The following SRPK2 variants were observed in gnomAD, a reference collection of about 807,000 sequenced individuals.
SRPK2 encodes SRSF protein kinase 2, also known as SFRS protein kinase 2.
SRPK2 carries 21 observed loss-of-function variants against 90.8 expected under a neutral mutation model. The observed-to-expected ratio is 0.23, with a 90% CI of 0.16 to 0.33. The LOEUF (loss-of-function observed/expected upper bound fraction) is 0.33, where lower values mean the gene tolerates loss of function less well. SRPK2 is among the 10% of genes least tolerant of loss of function. The probability of loss-of-function intolerance (pLI) is 1.00; values close to 1 mark genes in which losing one functional copy is unlikely to be tolerated. For synonymous variants in SRPK2, 288 were observed against 311.1 expected (o/e 0.93, Z 0.78); for missense variants, 620 against 869.0 (o/e 0.71, Z 3.60).
intron 7 of SRPK2, among the ~76,000 whole-genome samples, chr7:105,159,827 G>A (rs1375211889): frequency 1.3e-5 from 2 of 152,078 alleles, no homozygotes; most frequent in Non-Finnish European, 2.9e-5. Context: ...TTTTTCCCCA[G>A]CTTTACTGAG....
At chr7:105,368,002 A>G (rs958742160) in intron 2 of SRPK2, among the ~76,000 whole-genome samples, 1 of 152,200 alleles carries the variant, frequency 6.6e-6, no homozygotes, top group African/African-American at 2.4e-5. Context: ...TTAAAACTTA[A>G]GGAGAGTACA....
At chr7:105,263,692 A>T (rs953254215) in intron 2 of SRPK2, among the ~76,000 whole-genome samples, 1 of 152,202 alleles carries the variant, frequency 6.6e-6, no homozygotes, top group Non-Finnish European at 1.5e-5. Flanking sequence ...AATCTAGCAG[A>T]AAATATTAGT....
chr7:105,174,062 C>T (rs1252968135), intron 3 of SRPK2, among the ~76,000 whole-genome samples: 2 of 144,104 alleles, frequency 1.4e-5, no homozygotes, highest in East Asian at 2.0e-4. Flanking sequence ...CTGGGCAGTA[C>T]AGTGAGACCC....
At chr7:105,298,746 T>G in intron 2 of SRPK2, 7 of 985,518 alleles carry the variant, frequency 7.1e-6, no homozygotes, top group Non-Finnish European at 8.4e-6. Context: ...ACGTTAGCAG[T>G]AGGAGACAGC....
intron 2 of SRPK2, among the ~76,000 whole-genome samples, chr7:105,338,671 G>T (rs1024433720): frequency 4.6e-5 from 7 of 152,128 alleles, no homozygotes; most frequent in African/African-American, 1.7e-4. Flanking sequence ...TTTATCAGGG[G>T]TTAAATTTTC....
intron 5 of SRPK2, 27 bp downstream of exon 5, chr7:105,167,981 T>A (rs1790305391): frequency 3.3e-6 from 5 of 1,522,698 alleles, no homozygotes; most frequent in Non-Finnish European, 4.5e-6. Flanking sequence ...AGTTTTCTTA[T>A]ATCATTCACA....
At chr7:105,170,178 CTTT>C (rs942312692) in intron 3 of SRPK2, among the ~76,000 whole-genome samples, 2 of 152,102 alleles carry the variant, frequency 1.3e-5, no homozygotes, top group South Asian at 4.2e-4. Flanking sequence ...TATTTAAAGA[CTTT>C]TTTTCTCCTA....
intron 3 of SRPK2, among the ~76,000 whole-genome samples, chr7:105,173,021 A>G (rs1791352594): frequency 6.6e-6 from 1 of 152,212 alleles, no homozygotes; most frequent in African/African-American, 2.4e-5. Flanking sequence ...TTGAAAGCTA[A>G]CAACAACAAA....
chr7:105,328,622 T>A (rs893275649), intron 2 of SRPK2, among the ~76,000 whole-genome samples: 20 of 150,498 alleles, frequency 1.3e-4, no homozygotes, highest in Admixed American at 2.7e-4. Flanking sequence ...CCCAGCACTT[T>A]GGGAGGCCGA....
At chr7:105,369,823 T>C (rs1032845062) in intron 2 of SRPK2, among the ~76,000 whole-genome samples, 1 of 151,874 alleles carries the variant, frequency 6.6e-6, no homozygotes, top group African/African-American at 2.4e-5. Flanking sequence ...AGGTCAGGAG[T>C]TCGAGACCAG....
chr7:105,151,917 A>C (rs968505644), intron 7 of SRPK2, among the ~76,000 whole-genome samples: 1 of 151,506 alleles, frequency 6.6e-6, no homozygotes, highest in Non-Finnish European at 1.5e-5. Flanking sequence ...GCTGCTACTC[A>C]GGAGGTTGAG....
intron 2 of SRPK2, among the ~76,000 whole-genome samples, chr7:105,318,001 T>A (rs896061634): frequency 7.2e-5 from 11 of 152,118 alleles, no homozygotes; most frequent in African/African-American, 2.7e-4. Context: ...TCCACCCGAC[T>A]CAGCCTCAGC....
At chr7:105,293,843 T>C (rs976973518) in intron 2 of SRPK2, among the ~76,000 whole-genome samples, 6 of 152,194 alleles carry the variant, frequency 3.9e-5, no homozygotes, top group Admixed American at 3.3e-4. Flanking sequence ...TATAAGTCAA[T>C]GCTTTTAGTA....
rs575731702 is a variant in SRPK2 at position 105,316,540 on chromosome 7, AT to A, written c.71+72107del. On this transcript the variant is annotated intron_variant, in intron 2 of 15. Coordinates refer to ENST00000393651, the MANE Select transcript of SRPK2 (RefSeq NM_182692.3). ...ATTCCTGACTTGTAACTCTGACAAT[AT>A]TTTTTCCATGACTTTAATTTTACAA... is the stretch of plus-strand genomic sequence containing the variant. Among the ~76,000 whole-genome samples, 7 of 152,284 alleles carry A rather than the reference AT, an allele frequency of 4.6e-5. No homozygotes were observed. The South Asian group carries it at 1.2e-3, about 27-fold the overall frequency.
chr7:105,186,620 T>A (rs761486220), intron 3 of SRPK2, among the ~76,000 whole-genome samples: 1 of 152,224 alleles, frequency 6.6e-6, no homozygotes, highest in Non-Finnish European at 1.5e-5. Flanking sequence ...CCCAACTACC[T>A]GCTCTTCTAC....
intron 2 of SRPK2, among the ~76,000 whole-genome samples, chr7:105,277,280 G>A (rs560682490): frequency 6.6e-6 from 1 of 152,068 alleles, no homozygotes; most frequent in Admixed American, 6.6e-5. Flanking sequence ...GTTTCACTGT[G>A]TTAGCCGGGA....
intron 2 of SRPK2, among the ~76,000 whole-genome samples, chr7:105,295,343 T>C (rs1809661841): frequency 1.3e-5 from 2 of 151,914 alleles, no homozygotes; most frequent in Middle Eastern, 6.8e-3. Context: ...TTACATATTA[T>C]ATAAATATTT....
At chr7:105,151,826 C>T (rs979476181) in intron 7 of SRPK2, among the ~76,000 whole-genome samples, 10 of 152,060 alleles carry the variant, frequency 6.6e-5, no homozygotes, top group African/African-American at 2.4e-4. Context: ...GAGTTCAAGA[C>T]CAGCCTGGCC....
intron 2 of SRPK2, among the ~76,000 whole-genome samples, chr7:105,324,007 GTGTGTGT>G (rs1813257186): frequency 6.7e-6 from 1 of 149,604 alleles, no homozygotes; most frequent in African/African-American, 2.5e-5. Context: ...GTGTGTGTGT[GTGTGTGT>G]GTGGTGGAGT....
Sources: gnomAD v4.1 joint callset for allele counts (sites outside exome capture counted in the v4.1 genomes callset) on GRCh38, gnomAD v4.1.1 for gene constraint, MANE v1.5 for transcripts, NCBI Gene and HGNC (gene_info 2026-07-23, HGNC 2026-07-21) for gene names.